The following NELL1 variants were observed in gnomAD, a reference collection of about 807,000 sequenced individuals.
The protein encoded by NELL1 is neural EGFL like 1.
In NELL1, 76 loss-of-function variants were observed where a neutral mutation model predicts 107.4. The observed-to-expected ratio is 0.71, with a 90% CI of 0.59 to 0.86. NELL1 has a LOEUF of 0.86. Ranked by LOEUF, NELL1 falls within the 40% of genes least tolerant of loss-of-function variation. NELL1 has a pLI of 0.00. For synonymous variants in NELL1, 353 were observed against 341.2 expected (o/e 1.03, Z -0.38); for missense variants, 1,024 against 1,005.5 (o/e 1.02, Z -0.25).
intron 3 of NELL1, among the ~76,000 whole-genome samples, chr11:20,809,462 G>A (rs867721320): frequency 1.1e-4 from 16 of 151,970 alleles, no homozygotes; most frequent in African/African-American, 3.6e-4. Context: ...ATAGAACACC[G>A]GAACTTGTTC....
chr11:21,274,600 G>A (rs573351897), intron 14 of NELL1, among the ~76,000 whole-genome samples: 4 of 151,996 alleles, frequency 2.6e-5, no homozygotes, highest in African/African-American at 7.2e-5. Flanking sequence ...ATATACATTC[G>A]TCTCAACACC....
At chr11:21,063,217 G>A (rs1853785075) in intron 12 of NELL1, among the ~76,000 whole-genome samples, 1 of 152,062 alleles carries the variant, frequency 6.6e-6, no homozygotes, top group Non-Finnish European at 1.5e-5. Flanking sequence ...GGTGAGTTCT[G>A]GGAGAGGCCC....
At chr11:20,991,684 T>C (rs1484911372) in intron 12 of NELL1, among the ~76,000 whole-genome samples, 1 of 152,154 alleles carries the variant, frequency 6.6e-6, no homozygotes, top group African/African-American at 2.4e-5. Context: ...CATGCCTCAG[T>C]CAATGCCTCC....
chr11:21,200,923 C>G (rs1456063110), intron 13 of NELL1, among the ~76,000 whole-genome samples: 1 of 152,104 alleles, frequency 6.6e-6, no homozygotes, highest in Non-Finnish European at 1.5e-5. Context: ...TCAGGTTTAT[C>G]AAAGATCAGA....
intron 7 of NELL1, among the ~76,000 whole-genome samples, chr11:20,920,144 T>C (rs978859976): frequency 2.0e-5 from 3 of 152,128 alleles, no homozygotes. Context: ...GCTGTTGTTA[T>C]GATACCAATC....
At chr11:20,775,962 T>C (rs1187647217) in intron 2 of NELL1, among the ~76,000 whole-genome samples, 1 of 152,118 alleles carries the variant, frequency 6.6e-6, no homozygotes, top group Non-Finnish European at 1.5e-5. Flanking sequence ...CAGGTTTGGG[T>C]TATATTTGTG....
chr11:20,998,242 C>T (rs1333583438), intron 12 of NELL1, among the ~76,000 whole-genome samples: 1 of 151,958 alleles, frequency 6.6e-6, no homozygotes, highest in Non-Finnish European at 1.5e-5. Flanking sequence ...CAATAAATAG[C>T]TATTTAGTAA....
intron 14 of NELL1, among the ~76,000 whole-genome samples, chr11:21,264,525 G>C (rs1848599931): frequency 6.6e-6 from 1 of 151,866 alleles, no homozygotes; most frequent in African/African-American, 2.4e-5. Context: ...TTGTAATATT[G>C]ACCAGGGCTA....
intron 14 of NELL1, among the ~76,000 whole-genome samples, chr11:21,243,843 A>T (rs56177070): frequency 0.17 from 23,060 of 137,294 alleles, 1,945 homozygotes; most frequent in East Asian, 0.28. Context: ...TAAATTAATT[A>T]AAAAAAAAGG....
At chr11:20,719,435 C>T (rs28548052) in intron 2 of NELL1, among the ~76,000 whole-genome samples, 123,254 of 150,936 alleles carry the variant, frequency 0.82, 54,206 homozygotes, top group East Asian at 1. Flanking sequence ...CACACACACA[C>T]ACACACACAC....
chr11:21,398,576 G>A (rs1248159869), intron 15 of NELL1, among the ~76,000 whole-genome samples: 2 of 151,582 alleles, frequency 1.3e-5, no homozygotes, highest in Non-Finnish European at 3.0e-5. Context: ...AAAAAAGCAA[G>A]GGCCCAGATA....
At chr11:21,017,312 A>G (rs1487235403) in intron 12 of NELL1, among the ~76,000 whole-genome samples, 1 of 152,076 alleles carries the variant, frequency 6.6e-6, no homozygotes, top group Non-Finnish European at 1.5e-5. Context: ...GTAGCTCTAA[A>G]CAGTGGTAGA....
chr11:21,187,953 T>A (rs993124298), intron 13 of NELL1, among the ~76,000 whole-genome samples: 9 of 151,866 alleles, frequency 5.9e-5, no homozygotes, highest in Non-Finnish European at 1.2e-4. Flanking sequence ...CTTTTCTGTA[T>A]AATAGGCAGG....
At chr11:21,399,155 G>T (rs1400952052) in intron 15 of NELL1, among the ~76,000 whole-genome samples, 1 of 151,778 alleles carries the variant, frequency 6.6e-6, no homozygotes, top group African/African-American at 2.4e-5. Context: ...TACAAGGGTG[G>T]TAATGGAATA....
intron 13 of NELL1, among the ~76,000 whole-genome samples, chr11:21,158,005 G>T (rs922488508): frequency 1.3e-5 from 2 of 152,138 alleles, no homozygotes; most frequent in African/African-American, 4.8e-5. Context: ...CCCATCTTCA[G>T]TCTGGGTGGG....
At chr11:21,289,281 G>A (rs937225130) in intron 14 of NELL1, among the ~76,000 whole-genome samples, 7 of 152,172 alleles carry the variant, frequency 4.6e-5, no homozygotes, top group Admixed American at 6.5e-5. Flanking sequence ...TGCAGAAGGC[G>A]GGTGATTTCT....
intron 12 of NELL1, among the ~76,000 whole-genome samples, chr11:21,020,766 C>G (rs1852679051): frequency 6.6e-6 from 1 of 152,062 alleles, no homozygotes; most frequent in African/African-American, 2.4e-5. Flanking sequence ...GAAAATACAT[C>G]TTTGTGTGGG....
In NELL1 at chr11:20,744,509, G is replaced by A. The variant is rs117815322; in HGVS notation, c.185-39171G>A. On this transcript the variant is annotated intron_variant, in intron 2 of 19. Transcript: ENST00000357134. ...CAAGTTGACGGAATCAGCTAATCTA[G>A]GCTGAGCTTGACTGGGAGTTCAGCT... Among the ~76,000 whole-genome samples, 1,411 of 152,248 alleles carry A rather than the reference G, an allele frequency of 9.3e-3. 15 individuals carry two copies. Among genetic ancestry groups the A allele is most frequent in the Admixed American group, 0.019 (293 of 15,288 alleles).
rs78692572 is a variant in NELL1, at chr11:21,062,106, T to C, written c.1301-51483T>C. ...TGGTGGCCACTTACCACTGTGGTTATTGATAGCACTTGAAATGTGGTTAGT... is the reference window on the plus strand; with the variant it reads ...TGGTGGCCACTTACCACTGTGGTTACTGATAGCACTTGAAATGTGGTTAGT... On this transcript the variant is annotated intron_variant, in intron 12 of 19. Coordinates refer to ENST00000357134, the MANE Select transcript of NELL1 (RefSeq NM_006157.5). Among the ~76,000 whole-genome samples the C allele has an allele frequency of 9.3e-3, 1,418 of 152,332 alleles. 15 individuals are homozygous for C. The highest frequency in any genetic ancestry group is 0.032 in the African/African-American group (1,346 of 41,578).
Sources: gnomAD v4.1 joint callset for allele counts (sites outside exome capture counted in the v4.1 genomes callset) on GRCh38, gnomAD v4.1.1 for gene constraint, MANE v1.5 for transcripts, NCBI Gene and HGNC (gene_info 2026-07-23, HGNC 2026-07-21) for gene names.